Variants in LRCH2 observed in about 807,000 individuals in gnomAD.
LRCH2 encodes leucine-rich repeat and calponin homology domain-containing protein 2.
LRCH2 carries 38 observed loss-of-function variants against 68.9 expected under a neutral mutation model. That is an observed-to-expected ratio of 0.55 (90% CI 0.43 to 0.72). LRCH2 has a LOEUF of 0.72. Ranked by LOEUF, LRCH2 falls within the 30% of genes least tolerant of loss-of-function variation. The pLI, the probability that LRCH2 is intolerant of heterozygous loss-of-function variation, is 0.00. For missense variants in LRCH2, 528 were observed against 572.9 expected, an observed-to-expected ratio of 0.92 and a Z score of 0.80; for synonymous variants, 191 against 208.1, an observed-to-expected ratio of 0.92 and a Z score of 0.71.
chrX:115,148,515 C>A (rs781785408), intron 14 of LRCH2, among the ~76,000 whole-genome samples: 7 of 111,595 alleles, frequency 6.3e-5, no homozygotes, highest in Non-Finnish European at 7.5e-5. Flanking sequence ...TATTAAATTT[C>A]TTTTATTATA....
intron 14 of LRCH2, among the ~76,000 whole-genome samples, chrX:115,133,164 C>A (rs1245030137): frequency 9.0e-6 from 1 of 111,145 alleles, no homozygotes; most frequent in African/African-American, 3.3e-5. Context: ...TATTTTACTT[C>A]TTTTGGCTGA....
rs912986116 is a variant in LRCH2 at position 115,197,888 on chromosome X, G to A, written c.350-9518C>T. On this transcript the variant is annotated intron_variant, in intron 1 of 20. Transcript: ENST00000317135. The stretch of plus-strand genomic sequence containing the variant: ...ACACACACACACACACACACATTCC[G>A]AAACTAAAGGATTCATTGAAGAAAA... Among the ~76,000 whole-genome samples, 6 of 66,939 alleles carry A rather than the reference G, an allele frequency of 9.0e-5. No individual in the cohort carries two copies. The East Asian group carries it at 3.1e-3, about 35-fold the overall frequency. 58.1% of individuals were successfully genotyped at this position (66,939 alleles called of 115,157 possible). A position where few individuals can be genotyped will look rare whatever the true frequency, so the allele number is the denominator to read the frequency against.
At chrX:115,230,607 T>C (rs1385527185) in intron 1 of LRCH2, among the ~76,000 whole-genome samples, 1 of 111,573 alleles carries the variant, frequency 9.0e-6, no homozygotes, top group African/African-American at 3.3e-5. Flanking sequence ...TTTTCCCTCA[T>C]AGGAAGCCTG....
intron 1 of LRCH2, among the ~76,000 whole-genome samples, chrX:115,216,747 T>C (rs2073044629): frequency 8.9e-6 from 1 of 111,917 alleles, no homozygotes; most frequent in African/African-American, 3.3e-5. Context: ...CATCTGGCAA[T>C]CCCACTATTA....
At chrX:115,176,907 C>T (rs1268282354) in intron 5 of LRCH2, among the ~76,000 whole-genome samples, 1 of 107,997 alleles carries the variant, frequency 9.3e-6, no homozygotes, top group Non-Finnish European at 1.9e-5. Flanking sequence ...CCACCACACC[C>T]AGCTAATTTT....
chrX:115,137,263 G>A (rs1556532325), intron 14 of LRCH2, among the ~76,000 whole-genome samples: 2 of 110,733 alleles, frequency 1.8e-5, no homozygotes, highest in Non-Finnish European at 3.8e-5. Flanking sequence ...AGATAGACAT[G>A]AATTGCAGAA....
chrX:115,148,833 G>A (rs1318505207), intron 14 of LRCH2, among the ~76,000 whole-genome samples: 2 of 111,228 alleles, frequency 1.8e-5, no homozygotes, highest in African/African-American at 6.5e-5. Context: ...TTTGTTGAAG[G>A]CTTAAATTTA....
chrX:115,141,060 G>A (rs782794350), intron 14 of LRCH2, among the ~76,000 whole-genome samples: 264 of 106,235 alleles, frequency 2.5e-3, no homozygotes, highest in African/African-American at 8.2e-3. Flanking sequence ...GTGAAACCCC[G>A]TCTCTACTAA....
chrX:115,207,660 AT>A (rs781975700), intron 1 of LRCH2, among the ~76,000 whole-genome samples: 1 of 112,361 alleles, frequency 8.9e-6, no homozygotes, highest in East Asian at 2.8e-4. Context: ...GGAAAAGACA[AT>A]TATAAAAATG....
rs782307539 is a variant in LRCH2, at chrX:115,146,124, G to A, written c.1695+3703C>T. Among the ~76,000 whole-genome samples, 5 of 111,957 alleles carry A rather than the reference G, an allele frequency of 4.5e-5. No individual in the cohort carries two copies. The East Asian group carries it at 1.1e-3, about 25-fold the overall frequency. On this transcript the variant is annotated intron_variant, in intron 14 of 20. Coordinates refer to ENST00000317135, the MANE Select transcript of LRCH2 (RefSeq NM_020871.4). ...ATTCAGCCATAAAGAAGGAGAGTCT[G>A]TCATTTGCAACATGGATTGAAATGC...
chrX:115,225,842 GT>G (rs781984820), intron 1 of LRCH2, among the ~76,000 whole-genome samples: 1 of 112,027 alleles, frequency 8.9e-6, no homozygotes, highest in Non-Finnish European at 1.9e-5. Flanking sequence ...CTGAAGAAAG[GT>G]TAACATCATT....
chrX:115,138,162 G>A (rs1354697093), intron 14 of LRCH2, among the ~76,000 whole-genome samples: 2 of 105,438 alleles, frequency 1.9e-5, no homozygotes, highest in Admixed American at 1.0e-4. Context: ...AGAATTCCCC[G>A]TCTCACAAAG....
At chrX:115,190,266 G>T in intron 1 of LRCH2, 6 of 1,153,790 alleles carry the variant, frequency 5.2e-6, no homozygotes, top group Non-Finnish European at 6.9e-6. Flanking sequence ...ACCGTCCCTT[G>T]AGAGGCGACG....
At chrX:115,189,253 G>A (rs1205963283) in intron 1 of LRCH2, among the ~76,000 whole-genome samples, 1 of 112,153 alleles carries the variant, frequency 8.9e-6, no homozygotes, top group Non-Finnish European at 1.9e-5. Flanking sequence ...CTATTCCTAG[G>A]ATTTCCTCTA....
At chrX:115,161,977 T>G in intron 11 of LRCH2, among the ~76,000 whole-genome samples, 1 of 95,184 alleles carries the variant, frequency 1.1e-5, no homozygotes, top group Admixed American at 1.3e-4. Context: ...TGGAGTGCAG[T>G]GGCATGATCT....
Position 115,184,508 on chromosome X carries a change from T to C in LRCH2, c.524A>G (p.Tyr175Cys), listed in dbSNP as rs1556553724. The change falls in exon 3 of 21, where the codon TAC becomes TGC. Residue 175 changes from tyrosine to cysteine, a missense_variant. Physicochemically the swap from Tyr to Cys is radical, Grantham distance 194. Coordinates refer to ENST00000317135, the MANE Select transcript of LRCH2 (RefSeq NM_020871.4). ...AACTTTAAGGGGAAGATCAAATAGG[T>C]ATTTTGGCAATGTTGATAAAAGATT... ...SRNLLSTLPK[Y>C]LFDLPLKVLV... 6.8e-6 allele frequency: 8 copies of C among 1,184,091 alleles called. No individual in the cohort carries two copies. Among genetic ancestry groups the C allele is most frequent in the Non-Finnish European group, 9.1e-6 (8 of 882,058 alleles).
chrX:115,169,885 T>A (rs2072591908), intron 6 of LRCH2, among the ~76,000 whole-genome samples: 2 of 110,923 alleles, frequency 1.8e-5, no homozygotes, highest in Admixed American at 9.6e-5. Flanking sequence ...TGATATATCA[T>A]CTTTGATCCA....
intron 6 of LRCH2, among the ~76,000 whole-genome samples, chrX:115,167,633 AATT>A (rs1271486272): frequency 1.8e-5 from 2 of 110,903 alleles, no homozygotes; most frequent in Non-Finnish European, 1.9e-5. Context: ...TTGAAGTTAT[AATT>A]ATTATCTTTT....
chrX:115,157,360 T>G (rs2072483634), intron 11 of LRCH2, among the ~76,000 whole-genome samples: 1 of 110,524 alleles, frequency 9.0e-6, no homozygotes, highest in Non-Finnish European at 1.9e-5. Flanking sequence ...ATCTCGGCCT[T>G]TTATTCAAAA....
Sources: allele counts gnomAD v4.1 joint callset (sites outside exome capture counted in the v4.1 genomes callset), GRCh38; gene constraint gnomAD v4.1.1; transcripts MANE v1.5; gene names NCBI Gene and HGNC (gene_info 2026-07-23, HGNC 2026-07-21).